The following TOGARAM2 variants were observed in gnomAD, a reference collection of about 807,000 sequenced individuals.
The protein encoded by TOGARAM2 is TOG array regulator of axonemal microtubules 2, also known as TOG array regulator of axonemal microtubules protein 2.
TOGARAM2 carries 85 observed loss-of-function variants against 93.3 expected under a neutral mutation model. The observed-to-expected ratio is 0.91, with a 90% confidence interval of 0.76 to 1.09. The LOEUF (loss-of-function observed/expected upper bound fraction) is 1.09, where lower values mean the gene tolerates loss of function less well. Among genes scored for constraint, TOGARAM2 ranks in the 50% least tolerant of loss-of-function variants. The pLI is 0.00. For synonymous variants in TOGARAM2, 593 were observed against 552.8 expected (o/e 1.07, Z -1.02); for missense variants, 1,277 against 1,334.5 (o/e 0.96, Z 0.67).
intron 1 of TOGARAM2, among the ~76,000 whole-genome samples, chr2:28,982,723 A>G (rs144935432): frequency 1.3e-5 from 2 of 152,326 alleles, no homozygotes; most frequent in Non-Finnish European, 2.9e-5. Flanking sequence ...GACTCTGCTC[A>G]CTAGCACAGA....
At chr2:29,045,754 G>A (rs571392590) in intron 19 of TOGARAM2, 12 of 296,358 alleles carry the variant, frequency 4.0e-5, no homozygotes, top group East Asian at 3.8e-4. Context: ...GGGCATTTCC[G>A]ATTTCAGATT....
Position 29,045,377 on chromosome 2 carries a change from C to T in TOGARAM2, c.2689C>T (p.Arg897Cys), listed in dbSNP as rs141699609. 3.5e-4 allele frequency: 571 copies of T among 1,613,668 alleles called. 1 individual carries two copies. The African/African-American group carries it at 5.9e-3, about 17-fold the overall frequency. The change falls in exon 19 of 20, where the codon CGT becomes TGT. Residue 897 changes from arginine to cysteine, a missense_variant. Coordinates refer to ENST00000379558, the MANE Select transcript of TOGARAM2 (RefSeq NM_199280.4). ...TGGGCGAGTGCGTTTCCTGAGTGGC[C>T]GTGCGGTGCTGGATGTCACAGATCG... ...LAGRVRFLSG[R>C]AVLDVTDRLA...
At position 28,999,481 on chromosome 2, in the gene TOGARAM2, C is replaced by T; in HGVS notation, c.427+13C>T. 1.3e-6 allele frequency: 2 copies of T among 1,573,178 alleles called. No individual in the cohort carries two copies. The highest frequency in any genetic ancestry group is 2.4e-5 in the South Asian group (2 of 83,600). The stretch of plus-strand genomic sequence containing the variant: ...GCGTCTTCCCGAGGTGAGCACTGGC[C>T]CCTGCCCACCCCTCACCCACCCACT... On this transcript the variant is annotated intron_variant, in intron 4 of 19. Coordinates refer to ENST00000379558, the MANE Select transcript of TOGARAM2 (RefSeq NM_199280.4).
intron 1 of TOGARAM2, among the ~76,000 whole-genome samples, chr2:28,988,812 G>A (rs991514976): frequency 6.6e-6 from 1 of 152,080 alleles, no homozygotes; most frequent in Non-Finnish European, 1.5e-5. Flanking sequence ...GCCTCCACAG[G>A]CACAGACCTT....
intron 14 of TOGARAM2, 42 bp from the exon 15 acceptor site, chr2:29,032,892 T>A: frequency 1.3e-6 from 2 of 1,542,344 alleles, no homozygotes; most frequent in Non-Finnish European, 1.8e-6. Context: ...TATTTTGCAT[T>A]TCAGAGGCTG....
At chr2:29,037,158 A>T (rs1666162920) in intron 18 of TOGARAM2, among the ~76,000 whole-genome samples, 2 of 152,068 alleles carry the variant, frequency 1.3e-5, no homozygotes, top group African/African-American at 4.8e-5. Flanking sequence ...AAAAGGATAG[A>T]AGAAAAAACG....
rs530721622 is a variant in TOGARAM2, at chr2:28,986,381, C to T, written c.-111+4843C>T. The stretch of plus-strand genomic sequence containing the variant: ...ATCCACCCCCAACCCGAGATACCCA[C>T]ACTGAGCTGCTATTACAAATGGATG... On this transcript the variant is annotated intron_variant, in intron 1 of 19. Coordinates refer to ENST00000379558, the MANE Select transcript of TOGARAM2 (RefSeq NM_199280.4). Among the ~76,000 whole-genome samples, 4 of 152,312 alleles carry T rather than the reference C, an allele frequency of 2.6e-5. No homozygotes were observed. In the South Asian group the frequency reaches 6.2e-4, roughly 24 times the overall value.
upstream of TOGARAM2, among the ~76,000 whole-genome samples, chr2:28,977,003 C>T (rs1423745158): frequency 4.6e-5 from 7 of 152,160 alleles, no homozygotes; most frequent in African/African-American, 1.7e-4. Flanking sequence ...CCTCCATTAT[C>T]CGCTTTTCTA....
intron 13 of TOGARAM2, 91 bp downstream of exon 13, chr2:29,024,465 GTGCA>G: frequency 1.2e-6 from 1 of 821,580 alleles, no homozygotes; most frequent in Admixed American, 2.2e-5. Context: ...GGAGGGAAGG[GTGCA>G]GGGAGGGAGG....
Position 28,982,511 on chromosome 2 carries a change from C to T in TOGARAM2, c.-111+973C>T, listed in dbSNP as rs544840999. 1.2e-4 allele frequency among the ~76,000 whole-genome samples: 18 copies of T among 152,272 alleles called. 1 individual carries two copies. The highest frequency in any genetic ancestry group is 4.6e-4 in the Admixed American group (7 of 15,298). On this transcript the variant is annotated intron_variant, in intron 1 of 19. Coordinates refer to ENST00000379558, the MANE Select transcript of TOGARAM2 (RefSeq NM_199280.4). The stretch of plus-strand genomic sequence containing the variant: ...CTTCTCACCAATGCCCTGCAGGAGA[C>T]GGCCCTGCAGCCTTCTAGCCACAGG...
Position 29,022,290 on chromosome 2 carries a change from G to A in TOGARAM2, c.1493G>A (p.Cys498Tyr), listed in dbSNP as rs372767315. 5 of 1,613,888 alleles carry A rather than the reference G, an allele frequency of 3.1e-6. No homozygotes were observed. The African/African-American group carries it at 6.7e-5, about 22-fold the overall frequency. Residue 498 changes from cysteine (C) to tyrosine (Y), a missense_variant, in exon 11 of 20, where the codon TGC (cysteine) becomes TAC (tyrosine). Cys to Tyr is a radical substitution (Grantham distance 194). Coordinates refer to ENST00000379558, the MANE Select transcript of TOGARAM2 (RefSeq NM_199280.4). Reference protein sequence around the residue: ...PELGLRDALQCLNSSDWQMKE... With the variant: ...PELGLRDALQYLNSSDWQMKE... ...CTGGGGCTGAGGGATGCACTCCAGT[G>A]CCTCAACAGCAGTGACTGGTGAGGA... is the stretch of plus-strand genomic sequence containing the variant.
intron 6 of TOGARAM2, among the ~76,000 whole-genome samples, chr2:29,006,589 G>A (rs559848256): frequency 6.6e-6 from 1 of 152,080 alleles, no homozygotes; most frequent in South Asian, 2.1e-4. Context: ...CGTTTCTTGG[G>A]GCCTGATGAC....
At chr2:29,018,710 G>A (rs915427339) in intron 10 of TOGARAM2, 1 of 152,026 alleles carries the variant, frequency 6.6e-6, no homozygotes, top group Non-Finnish European at 1.5e-5. Context: ...TCTGAATTTG[G>A]TGCTAGTCTT....
At position 29,008,347 on chromosome 2, in the gene TOGARAM2, C is replaced by T. The variant is rs572474271; in HGVS notation, c.831-3108C>T. On this transcript the variant is annotated intron_variant, in intron 6 of 19. Coordinates refer to ENST00000379558, the MANE Select transcript of TOGARAM2 (RefSeq NM_199280.4). ...TGTAATTTTAGTAGAGCTGCAGTTT[C>T]ATCACATTGGTTAGGCTGGTCTTGA... is the stretch of plus-strand genomic sequence containing the variant. Among the ~76,000 whole-genome samples the T allele has an allele frequency of 2.2e-4, 34 of 152,274 alleles. No homozygotes were observed. The East Asian group carries it at 4.6e-3, about 21-fold the overall frequency.
chr2:29,026,703 G>T, intron 13 of TOGARAM2, 150 bp from the exon 14 acceptor site: 1 of 788,286 alleles, frequency 1.3e-6, no homozygotes, highest in Non-Finnish European at 1.9e-6. Flanking sequence ...TTTCCTCAAA[G>T]ATTCCCCTCA....
chr2:29,006,699 G>C (rs547361269), intron 6 of TOGARAM2, among the ~76,000 whole-genome samples: 5 of 152,164 alleles, frequency 3.3e-5, no homozygotes, highest in East Asian at 1.9e-4. Flanking sequence ...CGACCCTGTG[G>C]GTTATAGAGA....
chr2:29,017,182 G>T lies in TOGARAM2; in HGVS notation c.1073G>T (p.Arg358Leu). The change falls in exon 9 of 20, where the codon CGG becomes CTG. Residue 358 changes from arginine (R) to leucine (L), a missense_variant. Coordinates refer to ENST00000379558, the MANE Select transcript of TOGARAM2 (RefSeq NM_199280.4). The stretch of plus-strand genomic sequence containing the variant: ...CAAGTCACCATCTCCAAGTCTGCCC[G>T]GGAGAAGATGCAGCTGAAGCAGATG... ...KIQVTISKSA[R>L]EKMQLKQMKE... 1.4e-5 allele frequency: 22 copies of T among 1,613,800 alleles called. No individual in the cohort carries two copies. Among genetic ancestry groups the T allele is most frequent in the Non-Finnish European group, 1.7e-5 (20 of 1,179,780 alleles).
At chr2:28,969,757 T>G (rs1380544525) in intron 1 of TOGARAM2, among the ~76,000 whole-genome samples, 1 of 151,922 alleles carries the variant, frequency 6.6e-6, no homozygotes, top group Non-Finnish European at 1.5e-5. Context: ...AGATGCCTAA[T>G]GAATGTTAAT....
intron 1 of TOGARAM2, among the ~76,000 whole-genome samples, chr2:28,992,134 T>C (rs1042794243): frequency 1.3e-5 from 2 of 152,126 alleles, no homozygotes; most frequent in Non-Finnish European, 2.9e-5. Context: ...TGCTCAGTGG[T>C]GTCTGCCCTG....
Sources: allele counts gnomAD v4.1 joint callset (sites outside exome capture counted in the v4.1 genomes callset), GRCh38; gene constraint gnomAD v4.1.1; transcripts MANE v1.5; gene names NCBI Gene and HGNC (gene_info 2026-07-23, HGNC 2026-07-21).